Variants in DHX57 observed in about 807,000 individuals in gnomAD.
DHX57 encodes DExH-box helicase 57.
A neutral mutation model predicts 156.2 loss-of-function variants in DHX57; 105 were observed. The observed-to-expected ratio is 0.67, with a 90% confidence interval of 0.57 to 0.79. The LOEUF (loss-of-function observed/expected upper bound fraction) is 0.79. Ranked by LOEUF, DHX57 falls within the 30% of genes least tolerant of loss-of-function variation. The pLI, the probability that DHX57 is intolerant of heterozygous loss-of-function variation, is 0.00. For synonymous variants in DHX57, 704 were observed against 595.6 expected, an observed-to-expected ratio of 1.18 and a Z score of -2.65; for missense variants, 1,847 against 1,661.9, an observed-to-expected ratio of 1.11 and a Z score of -1.94.
chr2:38,868,472 T>C, intron 1 of DHX57, 61 bp from the exon 2 acceptor site: 11 of 1,516,834 alleles, frequency 7.3e-6, no homozygotes, highest in Non-Finnish European at 9.0e-6. Context: ...TAATCCTTTG[T>C]TTGCCAAACT....
chr2:38,867,018 G>A (rs1165265915), intron 2 of DHX57: 1 of 152,184 alleles, frequency 6.6e-6, no homozygotes, highest in Non-Finnish European at 1.5e-5. Context: ...CACGGTAAGT[G>A]CCCTACATAG....
chr2:38,853,195 C>A (rs1392495067), intron 9 of DHX57: 1 of 151,050 alleles, frequency 6.6e-6, no homozygotes, highest in African/African-American at 2.4e-5. Flanking sequence ...GTAGCTGGGA[C>A]CTTAGGTGTG....
intron 13 of DHX57, among the ~76,000 whole-genome samples, chr2:38,828,672 A>C (rs1439640388): frequency 1.3e-5 from 2 of 152,028 alleles, no homozygotes; most frequent in Admixed American, 1.3e-4. Flanking sequence ...GCGGTAAGCC[A>C]AGATTGTGCC....
intron 9 of DHX57, 71 bp from the exon 10 acceptor site, chr2:38,848,473 AT>A (rs891445095): frequency 4.1e-6 from 6 of 1,461,650 alleles, no homozygotes; most frequent in Non-Finnish European, 5.5e-6. Context: ...CTTTTACTAT[AT>A]TTTGAGCAAG....
chr2:38,823,086 C>G lies in DHX57; in HGVS notation c.3198G>C (p.Val1066=), dbSNP rs1253240415. The change falls in exon 17 of 24, where the codon GTG becomes GTC. Residue 1066 remains valine (V), a synonymous_variant. Coordinates refer to ENST00000457308, the MANE Select transcript of DHX57 (RefSeq NM_198963.3). The part of the protein sequence containing the change: ...GYHLASLPVD[V]RIGKLMLFGS... ...CAAACAACATTAGTTTGCCAATTCT[C>G]ACATCCACGGGCAGAGAGGCCAAAT... 1 of 1,614,170 alleles carries G rather than the reference C, an allele frequency of 6.2e-7. No individual in the cohort carries two copies. Among genetic ancestry groups the G allele is most frequent in the African/African-American group, 1.3e-5 (1 of 75,042 alleles).
At chr2:38,820,095 T>C (rs973837128) in intron 17 of DHX57, among the ~76,000 whole-genome samples, 3 of 152,230 alleles carry the variant, frequency 2.0e-5, no homozygotes, top group East Asian at 1.9e-4. Flanking sequence ...AAAATCATTC[T>C]AAACCAACCA....
At chr2:38,827,709 C>T (rs1671174598) in intron 14 of DHX57, among the ~76,000 whole-genome samples, 1 of 151,276 alleles carries the variant, frequency 6.6e-6, no homozygotes, top group Non-Finnish European at 1.5e-5. Flanking sequence ...GTGTCTTGCT[C>T]CTGGAATAGG....
intron 9 of DHX57, chr2:38,853,415 G>A (rs1486247711): frequency 2.0e-5 from 3 of 151,990 alleles, no homozygotes; most frequent in Admixed American, 6.6e-5. Context: ...GAGCCATTGC[G>A]CCCGGCCATA....
rs1183814169 is a variant in DHX57 at position 38,825,965 on chromosome 2, C to T, written c.2896G>A (p.Gly966Ser). The T allele has an allele frequency of 6.2e-7, 1 of 1,614,204 alleles. No individual in the cohort carries two copies. Among genetic ancestry groups the T allele is most frequent in the Non-Finnish European group, 8.5e-7 (1 of 1,180,040 alleles). Reference protein sequence around the residue: ...ANALQRKGRAGRVASGVCFHL... With the variant: ...ANALQRKGRASRVASGVCFHL... ...AAGCAGACCCCAGATGCAACACGGC[C>T]TGCTCGGCCTTTCCTTTGTAGAGCA... The change falls in exon 16 of 24, where the codon GGC (glycine) becomes AGC (serine). Residue 966 changes from glycine to serine, a missense_variant. By Grantham distance (56) the Gly-to-Ser change is moderately conservative. Coordinates refer to ENST00000457308, the MANE Select transcript of DHX57 (RefSeq NM_198963.3).
chr2:38,817,968 G>A (rs181749159), intron 19 of DHX57, among the ~76,000 whole-genome samples: 2 of 152,196 alleles, frequency 1.3e-5, no homozygotes, highest in African/African-American at 4.8e-5. Flanking sequence ...TGGGATTACA[G>A]GTATGAGCCA....
At chr2:38,837,739 G>C in intron 13 of DHX57, 92 bp downstream of exon 13, 1 of 770,756 alleles carries the variant, frequency 1.3e-6, no homozygotes, top group Non-Finnish European at 2.3e-6. Flanking sequence ...TGCAGAGTCT[G>C]CATGTAATTC....
chr2:38,855,150 G>A lies in DHX57; in HGVS notation c.1812C>T (p.Ile604=). The A allele has an allele frequency of 1.2e-6, 2 of 1,614,124 alleles. No individual in the cohort carries two copies. Among genetic ancestry groups the A allele is most frequent in the Non-Finnish European group, 8.5e-7 (1 of 1,180,012 alleles). Residue 604 remains isoleucine, a synonymous_variant, in exon 8 of 24, where the codon ATC becomes ATT. Transcript: ENST00000457308. ...ANIICTQPRR[I]SAISVAERVA... ...CGCGTTCAGCAACAGAGATTGCAGA[G>A]ATTCGTCGGGGTTGGGTACAGATGA...
Position 38,837,905 on chromosome 2 carries a change from A to G in DHX57, c.2468T>C (p.Phe823Ser). 2 of 1,613,930 alleles carry G rather than the reference A, an allele frequency of 1.2e-6. No homozygotes were observed. Among genetic ancestry groups the G allele is most frequent in the Non-Finnish European group, 1.7e-6 (2 of 1,179,858 alleles). ...SVIKTMSIMD[F>S]EKVNLELIEA... is the part of the protein sequence containing the mutation. ...TATTAATTCAAGATTCACCTTTTCA[A>G]AATCCATGATGGACATTGTTTTGAT... The change falls in exon 13 of 24, where the codon TTT becomes TCT. Residue 823 changes from phenylalanine (F) to serine (S), a missense_variant. By Grantham distance (155) the Phe-to-Ser change is radical. Transcript: ENST00000457308.
chr2:38,863,296 C>T (rs928491772), intron 3 of DHX57, 65 bp downstream of exon 3: 20 of 1,518,618 alleles, frequency 1.3e-5, no homozygotes, highest in Non-Finnish European at 7.1e-6. Context: ...CAAAGATGCA[C>T]AGGACCTTCA....
chr2:38,798,237 T>C lies in DHX57; in HGVS notation c.*62A>G. ...GGTCTTTAGTTCGAGGTAGAGGTTCTGCTGTTATTTCCCAGGTGAGCTAGA... is the reference window on the plus strand; with the variant it reads ...GGTCTTTAGTTCGAGGTAGAGGTTCCGCTGTTATTTCCCAGGTGAGCTAGA... On this transcript the variant is annotated 3_prime_UTR_variant, in exon 24 of 24. Transcript: ENST00000457308. 3 of 1,563,688 alleles carry C rather than the reference T, an allele frequency of 1.9e-6. No individual in the cohort carries two copies. The highest frequency in any genetic ancestry group is 1.2e-5 in the South Asian group (1 of 81,284).
rs528501820 is a variant in DHX57, at chr2:38,861,075, C to T, written c.1335G>A (p.Arg445=). ...PPVNFLPVPS[R]TRINNPACHK... is the part of the protein sequence containing the mutation. ...GACAGGCAGGATTATTTATTCTGGTCCTAGAGGGTACTGGCAGAAAGTTCA... is the reference window on the plus strand; with the variant it reads ...GACAGGCAGGATTATTTATTCTGGTTCTAGAGGGTACTGGCAGAAAGTTCA... The change falls in exon 5 of 24, where the codon AGG becomes AGA. Residue 445 remains arginine (R), a synonymous_variant. Transcript: ENST00000457308. 34 of 1,614,136 alleles carry T rather than the reference C, an allele frequency of 2.1e-5. No individual in the cohort carries two copies. The South Asian group carries it at 3.4e-4, about 16-fold the overall frequency.
In DHX57 at chr2:38,861,741, T is replaced by C. The variant is rs1317150700; in HGVS notation, c.669A>G (p.Ser223=). 6.2e-7 allele frequency: 1 copy of C among 1,614,180 alleles called. No homozygotes were observed. The highest frequency in any genetic ancestry group is 1.7e-5 in the Admixed American group (1 of 60,020). The change falls in exon 5 of 24, where the codon TCA becomes TCG. Residue 223 remains serine (S), a synonymous_variant. Transcript: ENST00000457308. ...SLEHLLTQCF[S]ETFGERMKIS... ...TCTTCATCCTCTCTCCAAATGTCTCTGAAAAACACTGGGTAAGGAGATGCT... is the reference window on the plus strand; with the variant it reads ...TCTTCATCCTCTCTCCAAATGTCTCCGAAAAACACTGGGTAAGGAGATGCT...
chr2:38,824,685 T>C (rs1211159076), intron 16 of DHX57, among the ~76,000 whole-genome samples: 2 of 152,232 alleles, frequency 1.3e-5, no homozygotes, highest in Non-Finnish European at 2.9e-5. Context: ...TTCATTCTTA[T>C]TGCCCAGGCT....
Position 38,855,184 on chromosome 2 carries a change from A to C in DHX57, c.1778T>G (p.Val593Gly). 1 of 1,614,040 alleles carries C rather than the reference A, an allele frequency of 6.2e-7. No homozygotes were observed. The highest frequency in any genetic ancestry group is 8.5e-7 in the Non-Finnish European group (1 of 1,179,996). ...DDSLNGPPEK[V>G]ANIICTQPRR... is the part of the protein sequence containing the mutation. Reference sequence around the variant, plus strand: ...GGGTTGGGTACAGATGATGTTGGCTACCTTCTCAGGTGGTCCATTCAGAGA... The same window carrying C: ...GGGTTGGGTACAGATGATGTTGGCTCCCTTCTCAGGTGGTCCATTCAGAGA... The change falls in exon 8 of 24, where the codon GTA (valine) becomes GGA (glycine). Residue 593 changes from valine (V) to glycine (G), a missense_variant. By Grantham distance (109) the Val-to-Gly change is moderately radical. Transcript: ENST00000457308.
Sources: allele counts gnomAD v4.1 joint callset (sites outside exome capture counted in the v4.1 genomes callset), GRCh38; gene constraint gnomAD v4.1.1; transcripts MANE v1.5; gene names NCBI Gene and HGNC (gene_info 2026-07-23, HGNC 2026-07-21).